The following IKZF3 variants were observed in gnomAD, a reference collection of about 807,000 sequenced individuals.
IKZF3 encodes IKAROS family zinc finger 3.
In IKZF3, 10 loss-of-function variants were observed where a neutral mutation model predicts 49.0. That is an observed-to-expected ratio of 0.20 (90% CI 0.13 to 0.35). The LOEUF (loss-of-function observed/expected upper bound fraction) is 0.35, where lower values mean the gene tolerates loss of function less well. IKZF3 is among the 10% of genes least tolerant of loss of function. IKZF3 has a pLI of 1.00. For synonymous variants in IKZF3, 209 were observed against 228.2 expected, an observed-to-expected ratio of 0.92 and a Z score of 0.76; for missense variants, 498 against 664.8, an observed-to-expected ratio of 0.75 and a Z score of 2.76.
chr17:39,814,413 G>T (rs1163146880), intron 3 of IKZF3, among the ~76,000 whole-genome samples: 1 of 152,120 alleles, frequency 6.6e-6, no homozygotes, highest in Admixed American at 6.5e-5. Flanking sequence ...TGGGTATTGG[G>T]TCTATTTGAT....
intron 1 of IKZF3, chr17:39,835,996 T>G: frequency 1.6e-6 from 1 of 637,558 alleles, no homozygotes; most frequent in East Asian, 3.3e-5. Flanking sequence ...TTGGACATGT[T>G]GTCCATGCTG....
rs904316341 is a variant in IKZF3 at position 39,761,282 on chromosome 17, T to G, written c.*4508A>C. ...GCGAATGTCTTTTTGGGAGAATAAC[T>G]TGAGGAAACTAAAGACTGATGAGTT... On this transcript the variant is annotated 3_prime_UTR_variant, in exon 8 of 8. Coordinates refer to ENST00000346872, the MANE Select transcript of IKZF3 (RefSeq NM_012481.5). 1 of 152,170 alleles carries G rather than the reference T, an allele frequency of 6.6e-6. No individual in the cohort carries two copies. Among genetic ancestry groups the G allele is most frequent in the Admixed American group, 6.5e-5 (1 of 15,280 alleles). The allele number at this position is 152,170 out of a possible 1,614,324, so 9.4% of individuals were successfully genotyped here.
intron 7 of IKZF3, among the ~76,000 whole-genome samples, chr17:39,774,906 T>G (rs1046158136): frequency 1.3e-5 from 2 of 152,234 alleles, no homozygotes; most frequent in Admixed American, 1.3e-4. Context: ...TGTATAGCCT[T>G]GAGAAAAAGG....
intron 5 of IKZF3, among the ~76,000 whole-genome samples, chr17:39,790,098 A>C (rs567753417): frequency 1.3e-5 from 2 of 152,224 alleles, no homozygotes; most frequent in African/African-American, 4.8e-5. Flanking sequence ...TTGTTGATAG[A>C]ATATACTCAA....
rs568780570 is a variant in IKZF3 at position 39,779,758 on chromosome 17, G to A, written c.710-1991C>T. ...AGAGCGCCACAGTTTGCCCTCACCT[G>A]CCCTGGGCAAACATATTGTGATGCT... is the stretch of plus-strand genomic sequence containing the variant. On this transcript the variant is annotated intron_variant, in intron 6 of 7. Coordinates refer to ENST00000346872, the MANE Select transcript of IKZF3 (RefSeq NM_012481.5). Among the ~76,000 whole-genome samples, 4 of 149,790 alleles carry A rather than the reference G, an allele frequency of 2.7e-5. No homozygotes were observed. The South Asian group carries it at 8.4e-4, about 31-fold the overall frequency.
rs766641388 is a variant in IKZF3, at chr17:39,777,669, T to C, written c.808A>G (p.Met270Val). Reference sequence around the variant, plus strand: ...TTCTTACCAATGAATTTCTGAGGCATTGAGCTTTTTCGTTTTGCCACATTG... The same window carrying C: ...TTCTTACCAATGAATTTCTGAGGCACTGAGCTTTTTCGTTTTGCCACATTG... ...ASNVAKRKSS[M>V]PQKFIGEKRH... Residue 270 changes from methionine to valine, a missense_variant, in exon 7 of 8, where the codon ATG (methionine) becomes GTG (valine). Physicochemically the swap from Met to Val is conservative, Grantham distance 21. This residue lies in a region of IKZF3 where 317 missense variants were observed against 397.3 expected (regional missense o/e 0.80). Transcript: ENST00000346872. 1 of 1,613,004 alleles carries C rather than the reference T, an allele frequency of 6.2e-7. No individual in the cohort carries two copies. The highest frequency in any genetic ancestry group is 2.2e-5 in the East Asian group (1 of 44,844).
chr17:39,779,014 T>C (rs2060661167), intron 6 of IKZF3, among the ~76,000 whole-genome samples: 1 of 152,166 alleles, frequency 6.6e-6, no homozygotes, highest in South Asian at 2.1e-4. Context: ...CAAGAATATT[T>C]TCAAAGCTCC....
rs773135855 is a variant in IKZF3 at position 39,766,404 on chromosome 17, G to C, written c.916C>G (p.Gln306Glu). 1.2e-6 allele frequency: 2 copies of C among 1,614,088 alleles called. No individual in the cohort carries two copies. The highest frequency in any genetic ancestry group is 2.7e-5 in the African/African-American group (2 of 75,026). The change falls in exon 8 of 8, where the codon CAA becomes GAA. Residue 306 changes from glutamine to glutamate, a missense_variant. This residue lies in a region of IKZF3 where 317 missense variants were observed against 397.3 expected (regional missense o/e 0.80). Transcript: ENST00000346872. ...SELIQTRMMDQAINNAISYLG... is the reference protein window; with the variant it reads ...SELIQTRMMDEAINNAISYLG... Reference sequence around the variant, plus strand: ...TAGCTGATGGCGTTATTGATGGCTTGGTCCATCATGCGGGTCTGTATGAGC... The same window carrying C: ...TAGCTGATGGCGTTATTGATGGCTTCGTCCATCATGCGGGTCTGTATGAGC...
chr17:39,759,410 C>A lies in IKZF3; in HGVS notation c.*6380G>T, dbSNP rs940485277. On this transcript the variant is annotated 3_prime_UTR_variant, in exon 8 of 8. Coordinates refer to ENST00000346872, the MANE Select transcript of IKZF3 (RefSeq NM_012481.5). Reference sequence around the variant, plus strand: ...CTGCACTCAGCCTGGGGAAACAGAGCGAGACTTTGTCTCAAAAAGAAAAAA... The same window carrying A: ...CTGCACTCAGCCTGGGGAAACAGAGAGAGACTTTGTCTCAAAAAGAAAAAA... The A allele has an allele frequency of 1.3e-5, 2 of 151,250 alleles. No individual in the cohort carries two copies. The highest frequency in any genetic ancestry group is 2.4e-5 in the African/African-American group (1 of 41,082). The allele number at this position is 151,250 out of a possible 1,614,324, so 9.4% of individuals were successfully genotyped here.
intron 6 of IKZF3, among the ~76,000 whole-genome samples, chr17:39,778,807 A>G (rs1054245132): frequency 1.3e-5 from 2 of 152,226 alleles, no homozygotes; most frequent in Non-Finnish European, 2.9e-5. Context: ...GTCTCAAAAA[A>G]CAAAGAAACA....
intron 3 of IKZF3, among the ~76,000 whole-genome samples, chr17:39,819,877 C>T (rs1044002978): frequency 2.0e-5 from 3 of 152,080 alleles, no homozygotes; most frequent in African/African-American, 7.2e-5. Flanking sequence ...CCATGTTGCC[C>T]AGGCTGGTCT....
chr17:39,855,596 A>G (rs563638777), intron 1 of IKZF3, among the ~76,000 whole-genome samples: 2 of 152,256 alleles, frequency 1.3e-5, no homozygotes, highest in South Asian at 4.1e-4. Flanking sequence ...ATACTATGCT[A>G]TTGGCTTGGC....
At chr17:39,846,362 G>T (rs2062630853) in intron 1 of IKZF3, among the ~76,000 whole-genome samples, 1 of 151,936 alleles carries the variant, frequency 6.6e-6, no homozygotes, top group Admixed American at 6.6e-5. Flanking sequence ...TAGAAAACAA[G>T]ACTTCATCAC....
At chr17:39,835,316 G>T (rs896830530) in intron 1 of IKZF3, 2 of 537,718 alleles carry the variant, frequency 3.7e-6, no homozygotes, top group East Asian at 4.9e-5. Context: ...GACGCGCCAC[G>T]TCCTGCTTGG....
At position 39,829,393 on chromosome 17, in the gene IKZF3, T is replaced by C. The variant is rs1294515863; in HGVS notation, c.157A>G (p.Ile53Val). Residue 53 changes from isoleucine to valine, a missense_variant, in exon 3 of 8, where the codon ATA becomes GTA. Coordinates refer to ENST00000346872, the MANE Select transcript of IKZF3 (RefSeq NM_012481.5). ...GEGPANEDED[I>V]GDDSMKVKDE... ...TCTGCACACTACGGCTCACCTCCTATGTCTTCATCTTCATTGGCTGGGCCT... is the reference window on the plus strand; with the variant it reads ...TCTGCACACTACGGCTCACCTCCTACGTCTTCATCTTCATTGGCTGGGCCT... The C allele has an allele frequency of 1.9e-6, 3 of 1,611,126 alleles. No individual in the cohort carries two copies. The highest frequency in any genetic ancestry group is 3.3e-5 in the Admixed American group (2 of 60,010).
In IKZF3 at chr17:39,763,713, A is replaced by C. The variant is rs2060227765; in HGVS notation, c.*2077T>G. The C allele has an allele frequency of 1.3e-5, 2 of 152,230 alleles. No individual in the cohort carries two copies. The highest frequency in any genetic ancestry group is 1.5e-5 in the Non-Finnish European group (1 of 68,046). 9.4% of individuals were successfully genotyped at this position (152,230 alleles called of 1,614,324 possible). On this transcript the variant is annotated 3_prime_UTR_variant, in exon 8 of 8. Coordinates refer to ENST00000346872, the MANE Select transcript of IKZF3 (RefSeq NM_012481.5). ...ATACTCTTCTGCTTAATATCCATAC[A>C]TTAGGAGGTTTAAAAAATACCTTGT...
intron 1 of IKZF3, among the ~76,000 whole-genome samples, chr17:39,856,675 G>T (rs969421003): frequency 2.0e-5 from 3 of 151,762 alleles, no homozygotes; most frequent in African/African-American, 7.3e-5. Flanking sequence ...GCGTGGTAGC[G>T]GGAGCCTGTA....
At chr17:39,857,848 G>A (rs917625600) in intron 1 of IKZF3, among the ~76,000 whole-genome samples, 9 of 151,886 alleles carry the variant, frequency 5.9e-5, no homozygotes, top group South Asian at 2.1e-4. Flanking sequence ...CCCCAGCTAC[G>A]CATGGTGGCA....
At position 39,789,914 on chromosome 17, in the gene IKZF3, AAG is replaced by A. The variant is rs1364952603; in HGVS notation, c.592+1500_592+1501del. On this transcript the variant is annotated intron_variant, in intron 5 of 7. Transcript: ENST00000346872. ...ACTCCGTCTCAAAAAAAAAAAAAAA[AAG>A]AGAGAAATAAAAATGAATTGTAAAA... is the stretch of plus-strand genomic sequence containing the variant. Among the ~76,000 whole-genome samples the A allele has an allele frequency of 3.8e-3, 540 of 143,232 alleles. 14 individuals carry two copies. The highest frequency in any genetic ancestry group is 0.012 in the African/African-American group (483 of 40,450). The allele number at this position is 143,232 out of a possible 152,430, so 94.0% of individuals were successfully genotyped here.
Sources: allele counts gnomAD v4.1 joint callset (sites outside exome capture counted in the v4.1 genomes callset), GRCh38; gene constraint gnomAD v4.1.1; regional missense constraint gnomAD v4.1.1; transcripts MANE v1.5; gene names NCBI Gene and HGNC (gene_info 2026-07-23, HGNC 2026-07-21).